CADM2: variants seen among roughly 807,000 people sequenced by gnomAD.
The protein encoded by CADM2 is cell adhesion molecule 2.
In CADM2, 12 loss-of-function variants were observed where a neutral mutation model predicts 49.8. That is an observed-to-expected ratio of 0.24 (90% confidence interval 0.15 to 0.39). The LOEUF (loss-of-function observed/expected upper bound fraction) is 0.39. Ranked by LOEUF, CADM2 falls within the 10% of genes least tolerant of loss-of-function variation. CADM2 has a pLI of 1.00. For synonymous variants in CADM2, 214 were observed against 175.4 expected (o/e 1.22, Z -1.74); for missense variants, 378 against 492.3 (o/e 0.77, Z 2.20).
chr3:85,595,931 T>C (rs2107365316), intron 1 of CADM2, among the ~76,000 whole-genome samples: 1 of 152,074 alleles, frequency 6.6e-6, no homozygotes, highest in Non-Finnish European at 1.5e-5. Context: ...TAATTTTATG[T>C]TGTGCATTTT....
intron 1 of CADM2, among the ~76,000 whole-genome samples, chr3:85,544,675 G>T (rs924037822): frequency 1.3e-5 from 2 of 152,174 alleles, no homozygotes; most frequent in African/African-American, 4.8e-5. Flanking sequence ...CATCAAAGAA[G>T]ATGCAACGAA....
At chr3:85,036,359 A>G (rs2107346145) in intron 1 of CADM2, among the ~76,000 whole-genome samples, 1 of 152,314 alleles carries the variant, frequency 6.6e-6, no homozygotes, top group African/African-American at 2.4e-5. Flanking sequence ...AAATAATTAT[A>G]AGCAGTTGAT....
At chr3:85,798,785 G>GT (rs1012374873) in intron 2 of CADM2, among the ~76,000 whole-genome samples, 9 of 151,868 alleles carry the variant, frequency 5.9e-5, no homozygotes, top group South Asian at 2.1e-4. Flanking sequence ...ATTTAAAGTA[G>GT]TTTTTTTTCT....
At chr3:85,573,795 T>C (rs957408430) in intron 1 of CADM2, among the ~76,000 whole-genome samples, 1 of 152,176 alleles carries the variant, frequency 6.6e-6, no homozygotes, top group African/African-American at 2.4e-5. Flanking sequence ...ATTTTCAAAA[T>C]CTCTGTGACT....
chr3:85,612,730 G>C (rs1311084221), intron 1 of CADM2, among the ~76,000 whole-genome samples: 2 of 151,634 alleles, frequency 1.3e-5, no homozygotes, highest in Non-Finnish European at 3.0e-5. Flanking sequence ...TAATATGTTT[G>C]TCATGAGGGA....
At chr3:85,398,441 T>C (rs1313848937) in intron 1 of CADM2, among the ~76,000 whole-genome samples, 2 of 152,190 alleles carry the variant, frequency 1.3e-5, no homozygotes, top group Admixed American at 6.5e-5. Context: ...GTCTTTGTTA[T>C]TGTGAATAGT....
intron 1 of CADM2, among the ~76,000 whole-genome samples, chr3:85,500,645 G>A (rs1302833915): frequency 2.0e-5 from 3 of 151,798 alleles, no homozygotes; most frequent in Non-Finnish European, 4.4e-5. Context: ...AGTCTCCCAA[G>A]TAGCTAGGAC....
Position 86,022,560 on chromosome 3 carries a change from A to C in CADM2, c.971-43045A>C, listed in dbSNP as rs115977844. 5.8e-3 allele frequency among the ~76,000 whole-genome samples: 878 copies of C among 152,274 alleles called. 12 individuals carry two copies. The highest frequency in any genetic ancestry group is 0.02 in the African/African-American group (844 of 41,578). The stretch of plus-strand genomic sequence containing the variant: ...TAATATTCAATTATTTTGTCTTTTT[A>C]TCATTATAACCTTGCTTTTGTCAAA... On this transcript the variant is annotated intron_variant, in intron 8 of 9. Coordinates refer to ENST00000383699, the MANE Select transcript of CADM2 (RefSeq NM_001167675.2).
intron 2 of CADM2, among the ~76,000 whole-genome samples, chr3:85,787,961 A>G (rs533120640): frequency 6.6e-6 from 1 of 152,210 alleles, no homozygotes; most frequent in South Asian, 2.1e-4. Context: ...TAGCTGATTT[A>G]CTTTTTGGAA....
intron 1 of CADM2, among the ~76,000 whole-genome samples, chr3:85,022,525 A>G (rs563051959): frequency 3.3e-5 from 5 of 152,288 alleles, no homozygotes; most frequent in African/African-American, 7.2e-5. Context: ...TTGCTTTCAC[A>G]TATCACCTCT....
At chr3:85,001,640 C>T (rs993694553) in intron 1 of CADM2, among the ~76,000 whole-genome samples, 6 of 152,034 alleles carry the variant, frequency 3.9e-5, no homozygotes, top group African/African-American at 1.2e-4. Flanking sequence ...CTTATAGAAA[C>T]GTTTTAAAGA....
intron 1 of CADM2, among the ~76,000 whole-genome samples, chr3:85,458,690 G>T (rs886820205): frequency 2.0e-5 from 3 of 151,642 alleles, no homozygotes; most frequent in South Asian, 2.1e-4. Flanking sequence ...AGGATTGGGG[G>T]CCAAGTGGGA....
chr3:85,853,903 C>T (rs894958474), intron 3 of CADM2, among the ~76,000 whole-genome samples: 1 of 152,084 alleles, frequency 6.6e-6, no homozygotes, highest in South Asian at 2.1e-4. Flanking sequence ...AGCTAACCTA[C>T]TTCTTATATT....
chr3:85,703,754 C>T (rs137911298), intron 1 of CADM2, among the ~76,000 whole-genome samples: 368 of 152,196 alleles, frequency 2.4e-3, no homozygotes, highest in African/African-American at 7.1e-3. Context: ...AGGAATGAGA[C>T]GGAAACTTAG....
At chr3:85,037,978 A>C (rs1447817402) in intron 1 of CADM2, among the ~76,000 whole-genome samples, 3 of 152,172 alleles carry the variant, frequency 2.0e-5, no homozygotes, top group Non-Finnish European at 4.4e-5. Flanking sequence ...AAAACTAAAA[A>C]AAAAAAATAG....
chr3:85,587,533 G>A (rs948758822), intron 1 of CADM2, among the ~76,000 whole-genome samples: 8 of 151,932 alleles, frequency 5.3e-5, no homozygotes, highest in African/African-American at 1.9e-4. Context: ...AATTCCTAGC[G>A]AGTCACACTA....
intron 7 of CADM2, among the ~76,000 whole-genome samples, chr3:85,956,439 G>T (rs1019294164): frequency 2.0e-5 from 3 of 151,542 alleles, no homozygotes; most frequent in South Asian, 2.1e-4. Flanking sequence ...TACTAATTGG[G>T]AATATGTGTA....
At chr3:85,399,663 T>C (rs1358917883) in intron 1 of CADM2, among the ~76,000 whole-genome samples, 2 of 152,184 alleles carry the variant, frequency 1.3e-5, no homozygotes, top group Non-Finnish European at 2.9e-5. Flanking sequence ...GAGCAGTGGT[T>C]TGTAGTTCTC....
intron 1 of CADM2, among the ~76,000 whole-genome samples, chr3:85,544,572 G>A (rs774355382): frequency 3.5e-4 from 53 of 151,806 alleles, no homozygotes; most frequent in Non-Finnish European, 8.8e-5. Flanking sequence ...TAAAGACTCC[G>A]TCTCAAAAAA....
Sources: gnomAD v4.1 joint callset for allele counts (sites outside exome capture counted in the v4.1 genomes callset) on GRCh38, gnomAD v4.1.1 for gene constraint, MANE v1.5 for transcripts, NCBI Gene and HGNC (gene_info 2026-07-23, HGNC 2026-07-21) for gene names.